FBXW7: variants seen among roughly 807,000 people sequenced by gnomAD.
The protein encoded by FBXW7 is F-box and WD repeat domain containing 7.
FBXW7 carries 11 observed loss-of-function variants against 86.3 expected under a neutral mutation model. The observed-to-expected ratio is 0.13, with a 90% CI of 0.08 to 0.21. FBXW7 has a LOEUF of 0.21. FBXW7 is among the 10% of genes least tolerant of loss of function. The pLI, the probability that FBXW7 is intolerant of heterozygous loss-of-function variation, is 1.00. For synonymous variants in FBXW7, 313 were observed against 297.9 expected (o/e 1.05, Z -0.52); for missense variants, 488 against 847.4 (o/e 0.58, Z 5.27).
chr4:152,408,689 T>C (rs1040446345), intron 4 of FBXW7, among the ~76,000 whole-genome samples: 2 of 152,202 alleles, frequency 1.3e-5, no homozygotes, highest in Admixed American at 6.5e-5. Context: ...TCTCTGACTA[T>C]GTTGGAAATC....
At chr4:152,460,850 C>A (rs1742872683) in intron 2 of FBXW7, among the ~76,000 whole-genome samples, 1 of 152,140 alleles carries the variant, frequency 6.6e-6, no homozygotes, top group South Asian at 2.1e-4. Context: ...ATCTGAGACT[C>A]CATTTAGATG....
chr4:152,462,652 T>A (rs1005237023), intron 2 of FBXW7, among the ~76,000 whole-genome samples: 12 of 152,238 alleles, frequency 7.9e-5, no homozygotes, highest in African/African-American at 2.7e-4. Context: ...GAGGCTCTCA[T>A]CTGGCTTTGC....
At chr4:152,493,426 A>T (rs1051408385) in intron 2 of FBXW7, among the ~76,000 whole-genome samples, 1 of 152,014 alleles carries the variant, frequency 6.6e-6, no homozygotes, top group Non-Finnish European at 1.5e-5. Flanking sequence ...CGGCCTCCCA[A>T]AGTGTTGGGA....
intron 2 of FBXW7, among the ~76,000 whole-genome samples, chr4:152,499,949 G>A (rs1271195960): frequency 1.3e-5 from 2 of 152,080 alleles, no homozygotes; most frequent in Non-Finnish European, 2.9e-5. Flanking sequence ...TGATCATCAT[G>A]CCTGTCAAGC....
At chr4:152,523,987 G>T (rs1749263386) in intron 2 of FBXW7, among the ~76,000 whole-genome samples, 1 of 152,190 alleles carries the variant, frequency 6.6e-6, no homozygotes, top group Admixed American at 6.5e-5. Flanking sequence ...CAGGAGCAAA[G>T]ATCACCAATG....
At chr4:152,376,281 G>A (rs1734509646) in intron 4 of FBXW7, among the ~76,000 whole-genome samples, 2 of 151,926 alleles carry the variant, frequency 1.3e-5, no homozygotes, top group African/African-American at 4.8e-5. Context: ...AATTTGGGAG[G>A]GTAATAATTC....
At chr4:152,371,268 A>G (rs1733980212) in intron 4 of FBXW7, among the ~76,000 whole-genome samples, 1 of 151,972 alleles carries the variant, frequency 6.6e-6, no homozygotes, top group African/African-American at 2.4e-5. Context: ...AGTTTCTGCA[A>G]CCTTCCATAG....
chr4:152,354,074 T>TA, intron 4 of FBXW7, among the ~76,000 whole-genome samples: 1 of 152,284 alleles, frequency 6.6e-6, no homozygotes, highest in Non-Finnish European at 1.5e-5. Flanking sequence ...ATCATAATTT[T>TA]AAAAATAAAA....
intron 4 of FBXW7, among the ~76,000 whole-genome samples, chr4:152,373,430 G>A (rs1278991986): frequency 6.6e-6 from 1 of 151,936 alleles, no homozygotes; most frequent in Non-Finnish European, 1.5e-5. Context: ...TGAGGGCATG[G>A]CCTTTGTCTA....
chr4:152,343,786 C>T (rs1730980946), intron 6 of FBXW7, among the ~76,000 whole-genome samples: 1 of 152,032 alleles, frequency 6.6e-6, no homozygotes, highest in Non-Finnish European at 1.5e-5. Flanking sequence ...CAAAGTGGAT[C>T]AATGGCTACT....
At chr4:152,397,647 A>T (rs1429605459) in intron 4 of FBXW7, among the ~76,000 whole-genome samples, 1 of 136,944 alleles carries the variant, frequency 7.3e-6, no homozygotes, top group Non-Finnish European at 1.5e-5. Flanking sequence ...GACATTACCT[A>T]TTTAAGTTCC....
At chr4:152,328,609 A>C in intron 10 of FBXW7, 1 of 365,238 alleles carries the variant, frequency 2.7e-6, no homozygotes, top group Non-Finnish European at 4.9e-6. Flanking sequence ...TGTATGTAGT[A>C]TGTAGAAAGC....
chr4:152,529,588 T>C (rs1749826517), intron 2 of FBXW7, among the ~76,000 whole-genome samples: 1 of 152,170 alleles, frequency 6.6e-6, no homozygotes. Flanking sequence ...GAAACAAATA[T>C]TTTAATATTA....
chr4:152,489,971 C>A (rs539366398), intron 2 of FBXW7, among the ~76,000 whole-genome samples: 22 of 152,190 alleles, frequency 1.4e-4, no homozygotes, highest in South Asian at 8.3e-4. Context: ...AACATGTTTT[C>A]ATTTCTATTA....
At chr4:152,330,968 G>T in intron 8 of FBXW7, 100 bp from the exon 9 acceptor site, 1 of 1,163,356 alleles carries the variant, frequency 8.6e-7, no homozygotes, top group Non-Finnish European at 1.2e-6. Flanking sequence ...CCATCTCTCT[G>T]CTCAAAACCA....
At chr4:152,469,810 A>G (rs189219775) in intron 2 of FBXW7, among the ~76,000 whole-genome samples, 9 of 152,276 alleles carry the variant, frequency 5.9e-5, no homozygotes, top group Admixed American at 2.6e-4. Context: ...CAAAAATTCT[A>G]GTAACCAAGT....
chr4:152,486,192 G>A (rs1019799034), intron 2 of FBXW7, among the ~76,000 whole-genome samples: 1 of 152,106 alleles, frequency 6.6e-6, no homozygotes. Flanking sequence ...AGCTGCTCTG[G>A]GTGAGTTAAT....
intron 2 of FBXW7, among the ~76,000 whole-genome samples, chr4:152,497,143 T>C (rs1462032692): frequency 6.6e-6 from 1 of 151,684 alleles, no homozygotes; most frequent in Non-Finnish European, 1.5e-5. Context: ...GACAACACAG[T>C]GAAATCCCAT....
intron 2 of FBXW7, among the ~76,000 whole-genome samples, chr4:152,479,850 C>A: frequency 6.6e-6 from 1 of 152,274 alleles, no homozygotes. Flanking sequence ...CCACTGCATA[C>A]GTATCATGTT....
Sources: gnomAD v4.1 joint callset for allele counts (sites outside exome capture counted in the v4.1 genomes callset) on GRCh38, gnomAD v4.1.1 for gene constraint, MANE v1.5 for transcripts, NCBI Gene and HGNC (gene_info 2026-07-23, HGNC 2026-07-21) for gene names.